ATRN: variants seen among roughly 807,000 people sequenced by gnomAD.
The protein encoded by ATRN is attractin-2.
Under a neutral mutation model 178.7 loss-of-function variants are expected in ATRN, and 54 were observed. That is an observed-to-expected ratio of 0.30 (90% CI 0.24 to 0.38). The LOEUF (loss-of-function observed/expected upper bound fraction) is 0.38, where lower values mean the gene tolerates loss of function less well. Ranked by LOEUF, ATRN falls within the 10% of genes least tolerant of loss-of-function variation. The pLI is 1.00. For synonymous variants in ATRN, 636 were observed against 663.0 expected, an observed-to-expected ratio of 0.96 and a Z score of 0.63; for missense variants, 1,443 against 1,815.1, an observed-to-expected ratio of 0.79 and a Z score of 3.73.
At chr20:3,554,723 G>A (rs563843831) in intron 6 of ATRN, among the ~76,000 whole-genome samples, 5 of 152,074 alleles carry the variant, frequency 3.3e-5, no homozygotes, top group Admixed American at 1.3e-4. Flanking sequence ...TCCTGTTAAC[G>A]CAAAACTTTT....
intron 27 of ATRN, among the ~76,000 whole-genome samples, chr20:3,640,942 A>G (rs1159980627): frequency 6.6e-6 from 1 of 152,236 alleles, no homozygotes; most frequent in East Asian, 1.9e-4. Flanking sequence ...CAAAGGAAGC[A>G]AATTCTGACC....
chr20:3,644,389 C>A, intron 28 of ATRN, 121 bp downstream of exon 28: 1 of 824,484 alleles, frequency 1.2e-6, no homozygotes, highest in Non-Finnish European at 1.9e-6. Context: ...CCTGCCCATG[C>A]CATGGCAAGG....
In ATRN at chr20:3,471,027, C is replaced by T; in HGVS notation, c.-81C>T. ...ACGAGCCACCGTCCGCACAGCCCCGCCCCGCACGGCCAGGCGAAGCGGAGC... is the reference window on the plus strand; with the variant it reads ...ACGAGCCACCGTCCGCACAGCCCCGTCCCGCACGGCCAGGCGAAGCGGAGC... On this transcript the variant is annotated 5_prime_UTR_variant, in exon 1 of 29. Coordinates refer to ENST00000262919, the MANE Select transcript of ATRN (RefSeq NM_139321.3). 1 of 1,406,118 alleles carries T rather than the reference C, an allele frequency of 7.1e-7. No homozygotes were observed. Among genetic ancestry groups the T allele is most frequent in the Non-Finnish European group, 9.2e-7 (1 of 1,085,914 alleles). The allele number at this position is 1,406,118 out of a possible 1,614,324, so 87.1% of individuals were successfully genotyped here.
rs144176955 is a variant in ATRN at position 3,541,947 on chromosome 20, A to G, written c.608+1612A>G. Among the ~76,000 whole-genome samples, 1,412 of 152,308 alleles carry G rather than the reference A, an allele frequency of 9.3e-3. 25 individuals carry two copies. The highest frequency in any genetic ancestry group is 0.033 in the African/African-American group (1,353 of 41,562). ...AGGGAGGTAACAGAGAGCAAACAGTACACAAGGACAGGAGATCAGGCGACT... is the reference window on the plus strand; with the variant it reads ...AGGGAGGTAACAGAGAGCAAACAGTGCACAAGGACAGGAGATCAGGCGACT... On this transcript the variant is annotated intron_variant, in intron 3 of 28. Transcript: ENST00000262919.
intron 2 of ATRN, among the ~76,000 whole-genome samples, chr20:3,537,488 TTG>T (rs373184546): frequency 0.2 from 25,140 of 127,794 alleles, 2,441 homozygotes; most frequent in Non-Finnish European, 0.24. Context: ...TATTTTTTTC[TTG>T]TTTTTTTTTT....
intron 18 of ATRN, 122 bp downstream of exon 18, chr20:3,585,002 G>A: frequency 5.3e-6 from 5 of 936,396 alleles, no homozygotes; most frequent in South Asian, 3.2e-5. Context: ...TCCTCCTAAT[G>A]GTTGGTACAA....
chr20:3,648,706 CTTCT>C lies in ATRN; in HGVS notation c.*1862_*1865del. ...ACTTTGAGACTCACCTCTCATAAAG[CTTCT>C]TTTTCACATTACTGTTAAAGACCAG... On this transcript the variant is annotated 3_prime_UTR_variant, in exon 29 of 29. Coordinates refer to ENST00000262919, the MANE Select transcript of ATRN (RefSeq NM_139321.3). The C allele has an allele frequency of 6.6e-6, 1 of 152,344 alleles. No homozygotes were observed. Among genetic ancestry groups the C allele is most frequent in the African/African-American group, 2.4e-5 (1 of 41,582 alleles). The allele number at this position is 152,344 out of a possible 1,614,324, so 9.4% of individuals were successfully genotyped here.
chr20:3,554,231 A>G (rs1214209597), intron 6 of ATRN, among the ~76,000 whole-genome samples: 2 of 152,050 alleles, frequency 1.3e-5, no homozygotes, highest in South Asian at 2.1e-4. Context: ...ATAGTTCCAA[A>G]TAATGAACTT....
chr20:3,646,597 T>C (rs1001004757), intron 28 of ATRN, 126 bp from the exon 29 acceptor site: 194 of 1,344,066 alleles, frequency 1.4e-4, no homozygotes, highest in Admixed American at 4.6e-4. Flanking sequence ...TGGGGGTTTT[T>C]TGTTCTGGTT....
chr20:3,489,983 G>T, intron 1 of ATRN: 1 of 987,710 alleles, frequency 1.0e-6, no homozygotes, highest in Non-Finnish European at 1.6e-6. Flanking sequence ...TTGCTTGCTT[G>T]CACTGTGCAT....
intron 22 of ATRN, 100 bp from the exon 23 acceptor site, chr20:3,600,846 T>C (rs564335617): frequency 1.8e-6 from 2 of 1,122,736 alleles, no homozygotes; most frequent in Admixed American, 2.2e-5. Flanking sequence ...TCATAAAATG[T>C]TTGTGATTAA....
intron 1 of ATRN, among the ~76,000 whole-genome samples, chr20:3,506,141 C>T (rs941056778): frequency 7.9e-5 from 12 of 152,086 alleles, no homozygotes; most frequent in African/African-American, 2.9e-4. Flanking sequence ...GTTGACTTAT[C>T]AATGTCAATA....
chr20:3,595,269 G>C (rs1413545283), intron 20 of ATRN, among the ~76,000 whole-genome samples: 2 of 152,212 alleles, frequency 1.3e-5, no homozygotes, highest in East Asian at 1.9e-4. Flanking sequence ...ATACCGGGCT[G>C]TCTCACTGGG....
chr20:3,603,677 C>T (rs559920260), intron 23 of ATRN, among the ~76,000 whole-genome samples: 6 of 152,052 alleles, frequency 3.9e-5, no homozygotes, highest in African/African-American at 7.2e-5. Context: ...TTAGTAGAGA[C>T]GGGGTTTCTC....
intron 24 of ATRN, among the ~76,000 whole-genome samples, chr20:3,619,503 T>G (rs2086880191): frequency 6.6e-6 from 1 of 152,232 alleles, no homozygotes; most frequent in Non-Finnish European, 1.5e-5. Context: ...CTTTTCCTAG[T>G]CATTCAGTAT....
intron 11 of ATRN, among the ~76,000 whole-genome samples, chr20:3,569,003 C>T (rs117949544): frequency 0.038 from 5,805 of 152,218 alleles, 147 homozygotes; most frequent in Non-Finnish European, 0.056. Flanking sequence ...AGAGCATCTC[C>T]TTGTTTGACC....
chr20:3,475,112 C>G (rs238732), intron 1 of ATRN, among the ~76,000 whole-genome samples: 1 of 150,974 alleles, frequency 6.6e-6, no homozygotes, highest in South Asian at 2.1e-4. Flanking sequence ...ATTGCAGTGG[C>G]TTGTATCTTG....
chr20:3,623,744 A>G (rs1249467802), intron 24 of ATRN, among the ~76,000 whole-genome samples: 1 of 152,216 alleles, frequency 6.6e-6, no homozygotes, highest in African/African-American at 2.4e-5. Flanking sequence ...GATAGTAAGG[A>G]CACAATTCTC....
intron 3 of ATRN, among the ~76,000 whole-genome samples, chr20:3,544,406 T>C (rs1044694488): frequency 2.6e-5 from 4 of 152,146 alleles, no homozygotes; most frequent in African/African-American, 4.8e-5. Context: ...TACAAAGAAA[T>C]AGAATTGCTA....
Sources: gnomAD v4.1 joint callset for allele counts (sites outside exome capture counted in the v4.1 genomes callset) on GRCh38, gnomAD v4.1.1 for gene constraint, MANE v1.5 for transcripts, NCBI Gene and HGNC (gene_info 2026-07-23, HGNC 2026-07-21) for gene names.